The following CHSY3 variants were observed in gnomAD, a reference collection of about 807,000 sequenced individuals.
The protein encoded by CHSY3 is N-acetylgalactosaminyl-proteoglycan 3-beta-glucuronosyltransferase 3.
CHSY3 carries 35 observed loss-of-function variants against 67.2 expected under a neutral mutation model. The observed-to-expected ratio is 0.52, with a 90% CI of 0.40 to 0.69. The LOEUF is 0.69. Among genes scored for constraint, CHSY3 ranks in the 30% least tolerant of loss-of-function variants. The pLI, the probability that CHSY3 is intolerant of heterozygous loss-of-function variation, is 0.00. For missense variants in CHSY3, 1,069 were observed against 1,138.5 expected, an observed-to-expected ratio of 0.94 and a Z score of 0.88; for synonymous variants, 474 against 434.7, an observed-to-expected ratio of 1.09 and a Z score of -1.12.
At chr5:130,078,651 T>G (rs1358930724) in intron 2 of CHSY3, among the ~76,000 whole-genome samples, 2 of 152,190 alleles carry the variant, frequency 1.3e-5, no homozygotes, top group African/African-American at 2.4e-5. Context: ...TATTATGTTT[T>G]AAAGACCATT....
chr5:130,144,423 T>C (rs1056752354), intron 2 of CHSY3, among the ~76,000 whole-genome samples: 3 of 152,078 alleles, frequency 2.0e-5, no homozygotes, highest in African/African-American at 7.2e-5. Flanking sequence ...TGCATAAAAG[T>C]AAGGTATCTA....
At chr5:129,916,764 C>T (rs1760741889) in intron 2 of CHSY3, among the ~76,000 whole-genome samples, 1 of 152,180 alleles carries the variant, frequency 6.6e-6, no homozygotes, top group Non-Finnish European at 1.5e-5. Context: ...AAACAACACA[C>T]ATGCCTTCCT....
chr5:130,118,660 T>C (rs1423675559), intron 2 of CHSY3, among the ~76,000 whole-genome samples: 2 of 152,158 alleles, frequency 1.3e-5, no homozygotes, highest in Non-Finnish European at 2.9e-5. Flanking sequence ...TTGCAAACTA[T>C]CATCGATTTC....
chr5:130,117,877 C>G (rs1431708055), intron 2 of CHSY3, among the ~76,000 whole-genome samples: 1 of 152,154 alleles, frequency 6.6e-6, no homozygotes. Flanking sequence ...CTCCATATCT[C>G]ATGTTGAAAT....
chr5:130,166,503 T>C (rs191313798), intron 2 of CHSY3, among the ~76,000 whole-genome samples: 114 of 152,286 alleles, frequency 7.5e-4, no homozygotes, highest in Non-Finnish European at 1.3e-3. Context: ...TCAAAGTGAC[T>C]CAAGTCCTTG....
At chr5:129,936,496 A>T (rs1334025974) in intron 2 of CHSY3, among the ~76,000 whole-genome samples, 1 of 152,070 alleles carries the variant, frequency 6.6e-6, no homozygotes, top group Non-Finnish European at 1.5e-5. Flanking sequence ...GACCCTGGAA[A>T]CATTTTCCCT....
intron 2 of CHSY3, among the ~76,000 whole-genome samples, chr5:129,994,559 C>T (rs996080466): frequency 6.6e-6 from 1 of 151,794 alleles, no homozygotes; most frequent in African/African-American, 2.4e-5. Context: ...GTTTTCATAC[C>T]GGATTATAAA....
chr5:129,919,113 CAAAAAAAA>C (rs35333880), intron 2 of CHSY3, among the ~76,000 whole-genome samples: 1 of 73,422 alleles, frequency 1.4e-5, no homozygotes, highest in Non-Finnish European at 2.4e-5. Context: ...GACTCCGTCT[CAAAAAAAA>C]AAAAAAAAAA....
At chr5:130,140,466 T>C in intron 2 of CHSY3, 1 of 1,132,086 alleles carries the variant, frequency 8.8e-7, no homozygotes, top group Non-Finnish European at 1.2e-6. Context: ...CAGTGCCAGC[T>C]TACTTTAATG....
rs575060649 is a variant in CHSY3, at chr5:129,939,898, CATATT to C, written c.1086+31539_1086+31543del. 3.2e-3 allele frequency among the ~76,000 whole-genome samples: 481 copies of C among 152,246 alleles called. 4 individuals carry two copies. Among genetic ancestry groups the C allele is most frequent in the African/African-American group, 0.011 (443 of 41,546 alleles). On this transcript the variant is annotated intron_variant, in intron 2 of 2. Coordinates refer to ENST00000305031, the MANE Select transcript of CHSY3 (RefSeq NM_175856.5). ...TCTCAAAATTCTGATTATTCAATCTCATATTGTATTGGGAGATATTCCCATTCACT... is the reference window on the plus strand; with the variant it reads ...TCTCAAAATTCTGATTATTCAATCTCGTATTGGGAGATATTCCCATTCACT...
At chr5:129,979,199 C>CAAAAAAAA (rs58584381) in intron 2 of CHSY3, among the ~76,000 whole-genome samples, 159 of 62,526 alleles carry the variant, frequency 2.5e-3, no homozygotes, top group Non-Finnish European at 3.1e-3. Flanking sequence ...GACTCCGTCT[C>CAAAAAAAA]AAAAAAAAAA....
intron 2 of CHSY3, chr5:130,140,915 T>A: frequency 1.3e-6 from 1 of 755,986 alleles, no homozygotes; most frequent in Non-Finnish European, 1.6e-6. Context: ...TACCTCCATT[T>A]TCCATGCCTT....
chr5:130,041,059 G>A (rs1425857570), intron 2 of CHSY3, among the ~76,000 whole-genome samples: 1 of 152,072 alleles, frequency 6.6e-6, no homozygotes, highest in Non-Finnish European at 1.5e-5. Context: ...TGCTGTCGAT[G>A]CCCTTTAGCA....
chr5:129,945,617 A>G (rs1420677006), intron 2 of CHSY3, among the ~76,000 whole-genome samples: 5 of 152,134 alleles, frequency 3.3e-5, no homozygotes, highest in Admixed American at 2.6e-4. Context: ...ACTTGGGGAA[A>G]GAAGAGAGAG....
At chr5:130,113,402 T>G (rs912445355) in intron 2 of CHSY3, among the ~76,000 whole-genome samples, 38 of 152,338 alleles carry the variant, frequency 2.5e-4, no homozygotes, top group Middle Eastern at 3.4e-3. Context: ...TCTATGTACT[T>G]TGTAATCTCT....
At chr5:130,010,005 T>C (rs1764004377) in intron 2 of CHSY3, among the ~76,000 whole-genome samples, 3 of 152,038 alleles carry the variant, frequency 2.0e-5, no homozygotes, top group Admixed American at 6.6e-5. Flanking sequence ...TAGAGACCAA[T>C]TAAGAGACTT....
At chr5:130,177,770 T>G (rs747326185) in intron 2 of CHSY3, among the ~76,000 whole-genome samples, 4 of 152,092 alleles carry the variant, frequency 2.6e-5, no homozygotes, top group Non-Finnish European at 5.9e-5. Context: ...GCCCTTTGAA[T>G]TTGGAAACTC....
rs139484384 is a variant in CHSY3, at chr5:130,139,285, C to T, written c.1087-44944C>T. On this transcript the variant is annotated intron_variant, in intron 2 of 2. Coordinates refer to ENST00000305031, the MANE Select transcript of CHSY3 (RefSeq NM_175856.5). ...AGAAATTGATTGGCCCAAGGAGGTCCGTTTAGCAAGACACATTGGAATGAA... is the reference window on the plus strand; with the variant it reads ...AGAAATTGATTGGCCCAAGGAGGTCTGTTTAGCAAGACACATTGGAATGAA... Among the ~76,000 whole-genome samples, 673 of 152,172 alleles carry T rather than the reference C, an allele frequency of 4.4e-3. 5 individuals are homozygous for T. In the Middle Eastern group the frequency reaches 0.071, roughly 16 times the overall value.
chr5:130,033,328 T>G (rs1340818975), intron 2 of CHSY3, among the ~76,000 whole-genome samples: 1 of 152,040 alleles, frequency 6.6e-6, no homozygotes, highest in Non-Finnish European at 1.5e-5. Context: ...TTCTCTTTCC[T>G]CCATTTGTTC....
Sources: allele counts gnomAD v4.1 joint callset (sites outside exome capture counted in the v4.1 genomes callset), GRCh38; gene constraint gnomAD v4.1.1; transcripts MANE v1.5; gene names NCBI Gene and HGNC (gene_info 2026-07-23, HGNC 2026-07-21).